Variants in TUSC3 observed in about 807,000 individuals in gnomAD.
TUSC3 encodes dolichyl-diphosphooligosaccharide--protein glycosyltransferase subunit TUSC3.
Under a neutral mutation model 44.8 loss-of-function variants are expected in TUSC3, and 45 were observed. The ratio of observed to expected loss-of-function variants is 1.00; its 90% CI spans 0.79 to 1.29. The LOEUF (loss-of-function observed/expected upper bound fraction) is 1.29. TUSC3 is among the 50% of genes most tolerant of loss of function. The pLI is 0.00. For synonymous variants in TUSC3, 212 were observed against 152.9 expected, an observed-to-expected ratio of 1.39 and a Z score of -2.85; for missense variants, 519 against 437.9, an observed-to-expected ratio of 1.19 and a Z score of -1.65.
chr8:15,668,966 C>T (rs1473375181), intron 5 of TUSC3, among the ~76,000 whole-genome samples: 1 of 151,650 alleles, frequency 6.6e-6, no homozygotes, highest in Non-Finnish European at 1.5e-5. Context: ...TGGAAAGCTT[C>T]TAAAAAGCAG....
At chr8:15,571,475 C>G (rs7812619) in intron 1 of TUSC3, among the ~76,000 whole-genome samples, 17 of 152,010 alleles carry the variant, frequency 1.1e-4, no homozygotes, top group African/African-American at 3.4e-4. Context: ...GTATATATAC[C>G]TTAATTTAAA....
At position 15,573,152 on chromosome 8, in the gene TUSC3, A is replaced by G. The variant is rs553792541; in HGVS notation, c.138+32584A>G. Among the ~76,000 whole-genome samples, 48 of 134,126 alleles carry G rather than the reference A, an allele frequency of 3.6e-4. 1 individual carries two copies. The highest frequency in any genetic ancestry group is 8.2e-3 in the Middle Eastern group (2 of 244). 88.0% of individuals were successfully genotyped at this position (134,126 alleles called of 152,430 possible). A position where few individuals can be genotyped will look rare whatever the true frequency, so the allele number is the denominator to read the frequency against. ...ATGTTTGCTTAACTATTGCTTCAGT[A>G]TAGTGTTCTCTCTCTTTCTCTCTCT... On this transcript the variant is annotated intron_variant, in intron 1 of 10. Coordinates refer to ENST00000503731, the MANE Select transcript of TUSC3 (RefSeq NM_006765.4).
chr8:15,468,346 C>A (rs1489783614), intron 1 of TUSC3, among the ~76,000 whole-genome samples: 1 of 152,160 alleles, frequency 6.6e-6, no homozygotes, highest in Non-Finnish European at 1.5e-5. Flanking sequence ...TTTCACTACT[C>A]CAGTCCTCTT....
chr8:15,772,423 A>G, the TUSC3 span, among the ~76,000 whole-genome samples: 2 of 152,316 alleles, frequency 1.3e-5, no homozygotes, highest in Admixed American at 6.5e-5. Flanking sequence ...AATAACCTAA[A>G]TGATATGGAC....
chr8:15,548,760 G>A (rs1235714845), intron 1 of TUSC3, among the ~76,000 whole-genome samples: 1 of 151,812 alleles, frequency 6.6e-6, no homozygotes, highest in Non-Finnish European at 1.5e-5. Flanking sequence ...TGTACAACTT[G>A]TATGTTTACA....
intron 2 of TUSC3, among the ~76,000 whole-genome samples, chr8:15,629,034 A>G (rs939822977): frequency 1.3e-5 from 2 of 152,188 alleles, no homozygotes; most frequent in African/African-American, 4.8e-5. Flanking sequence ...TAGAAGTAGG[A>G]TAGGGTTGAA....
chr8:15,574,024 G>C (rs970400634), intron 1 of TUSC3, among the ~76,000 whole-genome samples: 3 of 152,042 alleles, frequency 2.0e-5, no homozygotes, highest in Non-Finnish European at 2.9e-5. Context: ...GTGATGTTTT[G>C]TTCCTGGAAG....
At chr8:15,485,918 G>T (rs1304595138) in intron 2 of TUSC3, among the ~76,000 whole-genome samples, 1 of 151,998 alleles carries the variant, frequency 6.6e-6, no homozygotes, top group South Asian at 2.1e-4. Flanking sequence ...AGCCTCCTGA[G>T]CAGCTGGGAT....
intron 6 of TUSC3, among the ~76,000 whole-genome samples, chr8:15,691,898 C>G (rs573928615): frequency 6.6e-6 from 1 of 152,134 alleles, no homozygotes; most frequent in South Asian, 2.1e-4. Context: ...CTTGCCTCAG[C>G]CTCACCCAAG....
chr8:15,480,898 G>C (rs1231698576), intron 1 of TUSC3, among the ~76,000 whole-genome samples: 1 of 152,098 alleles, frequency 6.6e-6, no homozygotes, highest in Admixed American at 6.6e-5. Flanking sequence ...GGTATGATTG[G>C]AATGTGTTCC....
intron 1 of TUSC3, among the ~76,000 whole-genome samples, chr8:15,611,494 T>A (rs1386370983): frequency 1.3e-5 from 2 of 152,206 alleles, no homozygotes; most frequent in Non-Finnish European, 2.9e-5. Flanking sequence ...GCTACCTTTT[T>A]GCTTTTGAAT....
intron 9 of TUSC3, among the ~76,000 whole-genome samples, chr8:15,757,025 A>G (rs1482190709): frequency 2.6e-5 from 4 of 152,236 alleles, no homozygotes; most frequent in Middle Eastern, 6.8e-3. Flanking sequence ...AGTCCCAGCT[A>G]CTGGGGAAGC....
At chr8:15,481,060 C>T (rs548721563) in intron 1 of TUSC3, among the ~76,000 whole-genome samples, 1 of 152,038 alleles carries the variant, frequency 6.6e-6, no homozygotes, top group South Asian at 2.1e-4. Context: ...CCAGCCTGAC[C>T]AACGTGGAGA....
chr8:15,848,190 C>A, the TUSC3 span, among the ~76,000 whole-genome samples: 1 of 152,148 alleles, frequency 6.6e-6, no homozygotes, highest in African/African-American at 2.4e-5. Flanking sequence ...TTACCTGGCA[C>A]CTCAGCTGTC....
At chr8:15,761,115 C>A (rs1412164183) in intron 10 of TUSC3, among the ~76,000 whole-genome samples, 1 of 152,086 alleles carries the variant, frequency 6.6e-6, no homozygotes, top group Admixed American at 6.6e-5. Context: ...CTTTTGGGGG[C>A]CCTGAGATTA....
chr8:15,612,925 T>G (rs1247470043), intron 1 of TUSC3, among the ~76,000 whole-genome samples: 1 of 151,990 alleles, frequency 6.6e-6, no homozygotes, highest in Non-Finnish European at 1.5e-5. Context: ...CTGCAGTGAA[T>G]TTAAAGGAGC....
intron 6 of TUSC3, among the ~76,000 whole-genome samples, chr8:15,717,366 A>T (rs1449098962): frequency 6.6e-6 from 1 of 152,086 alleles, no homozygotes; most frequent in African/African-American, 2.4e-5. Context: ...CAAAATGGGG[A>T]TAAGATTGTT....
intron 9 of TUSC3, among the ~76,000 whole-genome samples, chr8:15,753,942 G>A (rs965328380): frequency 7.2e-5 from 11 of 152,062 alleles, no homozygotes; most frequent in Admixed American, 3.9e-4. Flanking sequence ...AAATAATTCT[G>A]ATAGTAGTTG....
At chr8:15,825,132 G>C in the TUSC3 span, among the ~76,000 whole-genome samples, 1 of 152,160 alleles carries the variant, frequency 6.6e-6, no homozygotes, top group Admixed American at 6.6e-5. Flanking sequence ...TATGGTCAGT[G>C]CCAAGGGTGG....
Sources: gnomAD v4.1 joint callset for allele counts (sites outside exome capture counted in the v4.1 genomes callset) on GRCh38, gnomAD v4.1.1 for gene constraint, MANE v1.5 for transcripts, NCBI Gene and HGNC (gene_info 2026-07-23, HGNC 2026-07-21) for gene names.